The following PRIMPOL variants were observed in gnomAD, a reference collection of about 807,000 sequenced individuals.
PRIMPOL encodes the protein primase and DNA directed polymerase.
In PRIMPOL, 54 loss-of-function variants were observed where a neutral mutation model predicts 63.6. That is an observed-to-expected ratio of 0.85 (90% CI 0.68 to 1.07). The LOEUF is 1.07. PRIMPOL is among the 50% of genes least tolerant of loss of function. The pLI is 0.00. For synonymous variants in PRIMPOL, 197 were observed against 220.2 expected (o/e 0.89, Z 0.93); for missense variants, 610 against 648.3 (o/e 0.94, Z 0.64).
At chr4:184,671,812 G>T (rs539847554) in intron 6 of PRIMPOL, among the ~76,000 whole-genome samples, 1 of 145,514 alleles carries the variant, frequency 6.9e-6, no homozygotes, top group East Asian at 2.0e-4. Context: ...GCGCGATCTT[G>T]GCTCACTGCA....
At chr4:184,651,469 C>T (rs1476488355) in intron 1 of PRIMPOL, among the ~76,000 whole-genome samples, 1 of 152,132 alleles carries the variant, frequency 6.6e-6, no homozygotes, top group African/African-American at 2.4e-5. Flanking sequence ...AGGACCCACT[C>T]CCAACCTTAA....
chr4:184,657,516 T>G, intron 3 of PRIMPOL, 196 bp downstream of exon 3: 1 of 500,110 alleles, frequency 2.0e-6, no homozygotes, highest in Non-Finnish European at 3.5e-6. Context: ...TGTGAATCAT[T>G]AACCATTTAA....
Position 184,678,221 on chromosome 4 carries a change from T to G in PRIMPOL, c.845-11T>G. 6.6e-7 allele frequency: 1 copy of G among 1,525,458 alleles called. No individual in the cohort carries two copies. Among genetic ancestry groups the G allele is most frequent in the Non-Finnish European group, 8.8e-7 (1 of 1,134,198 alleles). The allele number at this position is 1,525,458 out of a possible 1,614,324, so 94.5% of individuals were successfully genotyped here. A position where few individuals can be genotyped will look rare whatever the true frequency, so the allele number is the denominator to read the frequency against. Reference sequence around the variant, plus strand: ...CATGCTTTCATATTGTTTTATCAATTTTTGATGTAGGAGTTTATACAAGAA... The same window carrying G: ...CATGCTTTCATATTGTTTTATCAATGTTTGATGTAGGAGTTTATACAAGAA... On this transcript the variant is annotated splice_polypyrimidine_tract_variant and intron_variant, in intron 7 of 13. Coordinates refer to ENST00000314970, the MANE Select transcript of PRIMPOL (RefSeq NM_152683.4).
At chr4:184,668,018 A>G (rs1750558409) in intron 6 of PRIMPOL, among the ~76,000 whole-genome samples, 1 of 152,214 alleles carries the variant, frequency 6.6e-6, no homozygotes. Context: ...TCCTTCAGAT[A>G]TTAGTAATGG....
At chr4:184,679,356 T>C (rs1413777738) in intron 8 of PRIMPOL, among the ~76,000 whole-genome samples, 1 of 152,154 alleles carries the variant, frequency 6.6e-6, no homozygotes, top group Non-Finnish European at 1.5e-5. Flanking sequence ...CCCAGGAGGC[T>C]GAGGTAGGAG....
chr4:184,660,861 C>T (rs2150050725), intron 4 of PRIMPOL, among the ~76,000 whole-genome samples: 1 of 152,266 alleles, frequency 6.6e-6, no homozygotes, highest in East Asian at 1.9e-4. Context: ...AGGATGCCAT[C>T]TGAATATCAC....
chr4:184,680,034 T>G (rs1755189058), intron 8 of PRIMPOL, among the ~76,000 whole-genome samples: 1 of 152,188 alleles, frequency 6.6e-6, no homozygotes, highest in Admixed American at 6.5e-5. Flanking sequence ...GAGTTGCAGT[T>G]TCCAAGAATC....
chr4:184,670,233 C>T (rs1367069759), intron 6 of PRIMPOL, among the ~76,000 whole-genome samples: 5 of 152,178 alleles, frequency 3.3e-5, no homozygotes, highest in Admixed American at 6.5e-5. Flanking sequence ...GGTTCCAAGA[C>T]CTGTGGCCTC....
chr4:184,668,249 A>G (rs1295604897), intron 6 of PRIMPOL, among the ~76,000 whole-genome samples: 1 of 152,180 alleles, frequency 6.6e-6, no homozygotes, highest in African/African-American at 2.4e-5. Flanking sequence ...CCTTCCCCAG[A>G]GTCACATCTT....
intron 9 of PRIMPOL, among the ~76,000 whole-genome samples, chr4:184,683,157 G>A (rs191206693): frequency 1.6e-3 from 246 of 152,076 alleles, no homozygotes; most frequent in African/African-American, 5.6e-3. Context: ...TTCACTGGGC[G>A]TGGTGGCTCA....
intron 3 of PRIMPOL, 51 bp downstream of exon 3, chr4:184,657,371 T>TTTC (rs766974774): frequency 9.1e-5 from 118 of 1,303,832 alleles, no homozygotes; most frequent in South Asian, 8.2e-4. Context: ...CTTCCTCTTC[T>TTTC]TTCTTCTTCT....
Position 184,657,303 on chromosome 4 carries a change from G to A in PRIMPOL, c.163G>A (p.Val55Ile). 6.2e-7 allele frequency: 1 copy of A among 1,608,358 alleles called. No homozygotes were observed. Among genetic ancestry groups the A allele is most frequent in the Non-Finnish European group, 8.5e-7 (1 of 1,177,938 alleles). The change falls in exon 3 of 14, where the codon GTT becomes ATT. Residue 55 changes from valine to isoleucine, a missense_variant. Physicochemically the swap from Val to Ile is conservative, Grantham distance 29. Around this residue, in one of 3 missense-constraint regions of PRIMPOL, gnomAD observed 159 missense variants for 168.9 expected, o/e 0.94. Transcript: ENST00000314970. ...FHRQAQAFNF[V>I]KSCKEDVHVF... is the part of the protein sequence containing the mutation. ...TCGACAAGCTCAAGCTTTTAATTTT[G>A]TTAAAAGCTGTAAAGAAGTAATTTC... is the stretch of plus-strand genomic sequence containing the variant.
Position 184,685,689 on chromosome 4 carries a change from G to T in PRIMPOL, c.1295+5G>T. ...CCATAAGAGTAATAATATAATGTAA[G>T]TAATATTAATGATTTGTGTGTATTT... On this transcript the variant is annotated splice_donor_5th_base_variant and intron_variant, in intron 11 of 13. Transcript: ENST00000314970. 19 of 1,252,724 alleles carry T rather than the reference G, an allele frequency of 1.5e-5. No individual in the cohort carries two copies. Among genetic ancestry groups the T allele is most frequent in the Non-Finnish European group, 2.2e-5 (19 of 871,190 alleles). The allele number at this position is 1,252,724 out of a possible 1,614,324, so 77.6% of individuals were successfully genotyped here.
chr4:184,668,263 C>A (rs1285736290), intron 6 of PRIMPOL, among the ~76,000 whole-genome samples: 1 of 152,206 alleles, frequency 6.6e-6, no homozygotes, highest in Non-Finnish European at 1.5e-5. Flanking sequence ...ACATCTTCTC[C>A]GTGATGTGTG....
intron 2 of PRIMPOL, among the ~76,000 whole-genome samples, chr4:184,654,311 T>C (rs1045145260): frequency 2.0e-5 from 3 of 152,214 alleles, no homozygotes; most frequent in African/African-American, 7.2e-5. Flanking sequence ...GTTAATAAAC[T>C]TCATGATAGA....
At chr4:184,677,271 T>C (rs909405077) in intron 7 of PRIMPOL, among the ~76,000 whole-genome samples, 5 of 151,978 alleles carry the variant, frequency 3.3e-5, no homozygotes, top group Non-Finnish European at 5.9e-5. Flanking sequence ...GTGGCTTTTA[T>C]GTTTAGATCT....
At chr4:184,669,361 C>A (rs972312523) in intron 6 of PRIMPOL, among the ~76,000 whole-genome samples, 9 of 152,214 alleles carry the variant, frequency 5.9e-5, no homozygotes, top group Non-Finnish European at 1.2e-4. Context: ...CCCCCGTGCT[C>A]GCTGCCTTTC....
At chr4:184,657,056 G>A in intron 2 of PRIMPOL, 26 bp from the exon 3 acceptor site, 2 of 945,236 alleles carry the variant, frequency 2.1e-6, no homozygotes, top group South Asian at 2.9e-5. Flanking sequence ...GAAATTAATG[G>A]CCTTTTTGTT....
At chr4:184,672,963 A>G (rs1752219853) in intron 7 of PRIMPOL, among the ~76,000 whole-genome samples, 1 of 152,022 alleles carries the variant, frequency 6.6e-6, no homozygotes. Context: ...CCCTGGTCTC[A>G]GAGCCTGAGG....
Sources: gnomAD v4.1 joint callset for allele counts (sites outside exome capture counted in the v4.1 genomes callset) on GRCh38, gnomAD v4.1.1 for gene constraint, gnomAD v4.1.1 regional missense constraint, MANE v1.5 for transcripts, NCBI Gene and HGNC (gene_info 2026-07-23, HGNC 2026-07-21) for gene names.